Variants in REEP3 observed in about 807,000 individuals in gnomAD.
REEP3 encodes receptor accessory protein 3.
A neutral mutation model predicts 41.3 loss-of-function variants in REEP3; 20 were observed. The ratio of observed to expected loss-of-function variants is 0.48; its 90% CI spans 0.34 to 0.70. The LOEUF (loss-of-function observed/expected upper bound fraction) is 0.70. REEP3 is among the 30% of genes least tolerant of loss of function. The pLI is 0.01. For synonymous variants in REEP3, 104 were observed against 101.8 expected (o/e 1.02, Z -0.13); for missense variants, 271 against 308.8 (o/e 0.88, Z 0.92).
chr10:63,573,461 G>A (rs906406075), intron 2 of REEP3, among the ~76,000 whole-genome samples: 1 of 152,124 alleles, frequency 6.6e-6, no homozygotes, highest in Non-Finnish European at 1.5e-5. Flanking sequence ...TTCTAAGAAT[G>A]TTGGAGAAAG....
chr10:63,537,943 A>C (rs1955490328), intron 1 of REEP3, among the ~76,000 whole-genome samples: 1 of 151,932 alleles, frequency 6.6e-6, no homozygotes, highest in Non-Finnish European at 1.5e-5. Flanking sequence ...TAGCCACTTA[A>C]AAGCTTTCTT....
intron 2 of REEP3, among the ~76,000 whole-genome samples, chr10:63,592,796 G>A (rs1007345699): frequency 2.0e-5 from 3 of 152,142 alleles, no homozygotes; most frequent in Non-Finnish European, 4.4e-5. Flanking sequence ...AGGAGGCTGA[G>A]GCAGGAGAAT....
intron 1 of REEP3, among the ~76,000 whole-genome samples, chr10:63,555,737 A>G (rs1027027197): frequency 6.6e-6 from 1 of 152,206 alleles, no homozygotes; most frequent in Non-Finnish European, 1.5e-5. Flanking sequence ...CTTAATCATA[A>G]TCAGTTTTAA....
intron 2 of REEP3, among the ~76,000 whole-genome samples, chr10:63,570,968 A>G (rs1157720254): frequency 4.6e-5 from 7 of 152,170 alleles, no homozygotes; most frequent in Admixed American, 4.6e-4. Context: ...CACAAAAATT[A>G]GCAGGGCATG....
At chr10:63,592,717 C>A (rs879535092) in intron 2 of REEP3, among the ~76,000 whole-genome samples, 23 of 151,574 alleles carry the variant, frequency 1.5e-4, no homozygotes, top group Non-Finnish European at 3.1e-4. Flanking sequence ...ATGGTGAAAC[C>A]CCGTCTCTAC....
In REEP3 at chr10:63,548,771, C is replaced by T. The variant is rs938662061; in HGVS notation, c.33-17567C>T. On this transcript the variant is annotated intron_variant, in intron 1 of 7. Transcript: ENST00000373758. The stretch of plus-strand genomic sequence containing the variant: ...AAATATTTATTTAATTACGCTTTCT[C>T]AATGCACCAGTCAGGGAAGCCATTC... Among the ~76,000 whole-genome samples, 3 of 152,078 alleles carry T rather than the reference C, an allele frequency of 2.0e-5. No individual in the cohort carries two copies. The South Asian group carries it at 6.2e-4, about 32-fold the overall frequency.
chr10:63,552,348 C>T (rs1342920130), intron 1 of REEP3, among the ~76,000 whole-genome samples: 2 of 151,978 alleles, frequency 1.3e-5, no homozygotes, highest in Non-Finnish European at 2.9e-5. Flanking sequence ...GAGGCGGAGC[C>T]TGCAGTGAGC....
At chr10:63,595,335 C>T (rs970719712) in intron 3 of REEP3, among the ~76,000 whole-genome samples, 30 of 152,162 alleles carry the variant, frequency 2.0e-4, no homozygotes, top group Admixed American at 1.4e-3. Flanking sequence ...TCCAAATAGA[C>T]GAGGCAAAAT....
intron 1 of REEP3, among the ~76,000 whole-genome samples, chr10:63,559,674 T>G (rs910056627): frequency 2.6e-4 from 40 of 152,202 alleles, no homozygotes; most frequent in Non-Finnish European, 7.4e-5. Context: ...AGCCTCAGTC[T>G]TTGCATCTGT....
chr10:63,612,268 A>G (rs1268784240), intron 6 of REEP3, among the ~76,000 whole-genome samples: 1 of 151,950 alleles, frequency 6.6e-6, no homozygotes, highest in East Asian at 1.9e-4. Flanking sequence ...TTGACCTCCC[A>G]GTTTCAAGTG....
chr10:63,525,080 C>T (rs1955348946), intron 1 of REEP3, among the ~76,000 whole-genome samples: 1 of 151,770 alleles, frequency 6.6e-6, no homozygotes, highest in East Asian at 1.9e-4. Flanking sequence ...TGGTGCTTGG[C>T]ATTGAGTGTG....
In REEP3 at chr10:63,618,237, C is replaced by CTTTTTT. The variant is rs60115766; in HGVS notation, c.566-1397_566-1392dup. On this transcript the variant is annotated intron_variant, in intron 6 of 7. Coordinates refer to ENST00000373758, the MANE Select transcript of REEP3 (RefSeq NM_001001330.3). Reference sequence around the variant, plus strand: ...CTTCATGGGGATTTCTTTCCTTCTTCTTTTTTTTTTTTTTTTTTTTTTTTT... The same window carrying CTTTTTT: ...CTTCATGGGGATTTCTTTCCTTCTTCTTTTTTTTTTTTTTTTTTTTTTTTTTTTTTT... Among the ~76,000 whole-genome samples, 46 of 66,598 alleles carry CTTTTTT rather than the reference C, an allele frequency of 6.9e-4. 3 individuals carry two copies. The highest frequency in any genetic ancestry group is 8.6e-4 in the African/African-American group (15 of 17,346). 43.7% of individuals were successfully genotyped at this position (66,598 alleles called of 152,430 possible).
At chr10:63,589,246 C>G (rs7921924) in intron 2 of REEP3, among the ~76,000 whole-genome samples, 150,029 of 152,284 alleles carry the variant, frequency 0.99, 73,938 homozygotes, top group Middle Eastern at 1. Flanking sequence ...TTTGAGCTGA[C>G]GAGGTAATGA....
intron 1 of REEP3, among the ~76,000 whole-genome samples, chr10:63,563,158 G>A (rs1476192197): frequency 6.6e-6 from 1 of 152,208 alleles, no homozygotes; most frequent in Non-Finnish European, 1.5e-5. Flanking sequence ...GCAAATTTCT[G>A]TAGTTGAAGC....
intron 6 of REEP3, among the ~76,000 whole-genome samples, chr10:63,613,946 A>C (rs1415670973): frequency 6.6e-6 from 1 of 152,204 alleles, no homozygotes; most frequent in East Asian, 1.9e-4. Context: ...AGAAAACATA[A>C]TGGAATAGTT....
chr10:63,594,647 A>G, intron 2 of REEP3, 131 bp from the exon 3 acceptor site: 1 of 650,686 alleles, frequency 1.5e-6, no homozygotes, highest in Non-Finnish European at 2.7e-6. Flanking sequence ...GACCCAACAT[A>G]CTATGTATCC....
intron 5 of REEP3, among the ~76,000 whole-genome samples, chr10:63,605,837 A>C (rs964847950): frequency 1.3e-5 from 2 of 152,150 alleles, no homozygotes; most frequent in African/African-American, 4.8e-5. Flanking sequence ...GCTGCTTCTC[A>C]GCTGAAGAAT....
At chr10:63,618,143 C>G (rs1377324578) in intron 6 of REEP3, among the ~76,000 whole-genome samples, 1 of 150,242 alleles carries the variant, frequency 6.7e-6, no homozygotes, top group African/African-American at 2.4e-5. Flanking sequence ...CTTCCACTTT[C>G]TCCTCACCTG....
At chr10:63,547,975 C>T (rs1459824596) in intron 1 of REEP3, among the ~76,000 whole-genome samples, 1 of 152,196 alleles carries the variant, frequency 6.6e-6, no homozygotes, top group Non-Finnish European at 1.5e-5. Context: ...TCTTCTAATG[C>T]TTCAAAATCT....
Sources: gnomAD v4.1 joint callset for allele counts (sites outside exome capture counted in the v4.1 genomes callset) on GRCh38, gnomAD v4.1.1 for gene constraint, MANE v1.5 for transcripts, NCBI Gene and HGNC (gene_info 2026-07-23, HGNC 2026-07-21) for gene names.